Variants in LIN54 observed in about 807,000 individuals in gnomAD.
The protein encoded by LIN54 is protein lin-54 homolog.
In LIN54, 9 loss-of-function variants were observed where a neutral mutation model predicts 78.7. That is an observed-to-expected ratio of 0.11 (90% CI 0.07 to 0.20). The LOEUF (loss-of-function observed/expected upper bound fraction) is 0.20, where lower values mean the gene tolerates loss of function less well. LIN54 is among the 10% of genes least tolerant of loss of function. LIN54 has a pLI of 1.00. For missense variants in LIN54, 573 were observed against 889.9 expected, an observed-to-expected ratio of 0.64 and a Z score of 4.53; for synonymous variants, 269 against 318.4, an observed-to-expected ratio of 0.84 and a Z score of 1.65.
chr4:82,986,939 T>C (rs1320525071), intron 1 of LIN54, among the ~76,000 whole-genome samples: 2 of 152,092 alleles, frequency 1.3e-5, no homozygotes, highest in African/African-American at 4.8e-5. Context: ...TTGCCTAAGG[T>C]CACATAGCTA....
At chr4:82,936,613 A>G (rs1722410317) in intron 9 of LIN54, among the ~76,000 whole-genome samples, 1 of 152,202 alleles carries the variant, frequency 6.6e-6, no homozygotes, top group Admixed American at 6.5e-5. Flanking sequence ...ACTTAGTCCA[A>G]CCAATAACAG....
chr4:82,952,219 C>T (rs747192184), intron 4 of LIN54, among the ~76,000 whole-genome samples: 4 of 152,070 alleles, frequency 2.6e-5, no homozygotes, highest in Non-Finnish European at 5.9e-5. Flanking sequence ...ATTAGCAAAT[C>T]GTATATTGAT....
At chr4:82,928,866 G>A (rs548271015) in intron 12 of LIN54, among the ~76,000 whole-genome samples, 64 of 152,260 alleles carry the variant, frequency 4.2e-4, no homozygotes, top group African/African-American at 1.5e-3. Context: ...ACAAAATGGC[G>A]AAACCAAATG....
At chr4:82,951,181 T>C (rs982456911) in intron 4 of LIN54, among the ~76,000 whole-genome samples, 3 of 152,100 alleles carry the variant, frequency 2.0e-5, no homozygotes, top group Non-Finnish European at 2.9e-5. Flanking sequence ...AGACAAATGA[T>C]AAAGTAAGAA....
In LIN54 at chr4:82,925,014, A is replaced by T. The variant is rs933146930; in HGVS notation, c.*3088T>A. 6.6e-6 allele frequency: 1 copy of T among 152,646 alleles called. No individual in the cohort carries two copies. The allele number at this position is 152,646 out of a possible 1,614,324, so 9.5% of individuals were successfully genotyped here. A position where few individuals can be genotyped will look rare whatever the true frequency, so the allele number is the denominator to read the frequency against. ...TCACATTTTACATAAGATTGAAAAA[A>T]TGTCAGTTGTTCACTACCAGAAAAT... On this transcript the variant is annotated 3_prime_UTR_variant, in exon 13 of 13. Coordinates refer to ENST00000340417, the MANE Select transcript of LIN54 (RefSeq NM_194282.4).
At chr4:83,005,190 C>T (rs1729240875) in intron 1 of LIN54, among the ~76,000 whole-genome samples, 1 of 152,184 alleles carries the variant, frequency 6.6e-6, no homozygotes. Context: ...GCCACCGCAC[C>T]TGGCCTATAA....
intron 1 of LIN54, among the ~76,000 whole-genome samples, chr4:82,998,542 A>AAAAG (rs3081912): frequency 0.78 from 116,586 of 148,738 alleles, 45,895 homozygotes; most frequent in Admixed American, 0.82. Context: ...TCAGAGAAAG[A>AAAAG]AAAGAAAGAA....
At chr4:82,938,534 A>T (rs752179578) in intron 7 of LIN54, 30 bp from the exon 8 acceptor site, 1 of 1,298,224 alleles carries the variant, frequency 7.7e-7, no homozygotes, top group African/African-American at 1.5e-5. Flanking sequence ...ATTTTAGATC[A>T]TATTTCCAAA....
intron 1 of LIN54, among the ~76,000 whole-genome samples, chr4:83,008,332 A>G (rs189491865): frequency 6.6e-6 from 1 of 152,268 alleles, no homozygotes; most frequent in African/African-American, 2.4e-5. Context: ...CACCTAATAG[A>G]CACCCAATAA....
chr4:82,979,720 T>C (rs929919900), intron 2 of LIN54, among the ~76,000 whole-genome samples: 3 of 151,834 alleles, frequency 2.0e-5, no homozygotes, highest in African/African-American at 7.3e-5. Flanking sequence ...AGGCAGACAC[T>C]TGAGGTCAGG....
At chr4:82,943,917 G>A (rs966550890) in intron 5 of LIN54, among the ~76,000 whole-genome samples, 2 of 145,938 alleles carry the variant, frequency 1.4e-5, no homozygotes, top group Non-Finnish European at 3.0e-5. Flanking sequence ...TGCCCAGGCT[G>A]GAGTGCAGTG....
In LIN54 at chr4:82,935,954, T is replaced by C. The variant is rs1340124356; in HGVS notation, c.1845+27A>G. 8 of 1,609,426 alleles carry C rather than the reference T, an allele frequency of 5.0e-6. No individual in the cohort carries two copies. In the African/African-American group the frequency reaches 1.1e-4, roughly 22 times the overall value. On this transcript the variant is annotated intron_variant, in intron 11 of 12. Transcript: ENST00000340417. Reference sequence around the variant, plus strand: ...CCTTTCTAAAACTGTTTTTAAAAGATATTATTTTCCGCACCCAGCATCTCA... The same window carrying C: ...CCTTTCTAAAACTGTTTTTAAAAGACATTATTTTCCGCACCCAGCATCTCA...
intron 11 of LIN54, among the ~76,000 whole-genome samples, chr4:82,931,702 TTTTC>T (rs1721968554): frequency 6.6e-6 from 1 of 152,186 alleles, no homozygotes; most frequent in Non-Finnish European, 1.5e-5. Flanking sequence ...TAAATATATA[TTTTC>T]ATGTAAAAAT....
chr4:82,947,339 C>T (rs1369315136), intron 4 of LIN54, among the ~76,000 whole-genome samples: 1 of 147,478 alleles, frequency 6.8e-6, no homozygotes, highest in Non-Finnish European at 1.5e-5. Flanking sequence ...CTCAAGCCAT[C>T]CTCCTGCCTC....
chr4:83,002,824 G>A (rs999197426), intron 1 of LIN54, among the ~76,000 whole-genome samples: 1 of 152,052 alleles, frequency 6.6e-6, no homozygotes, highest in African/African-American at 2.4e-5. Flanking sequence ...TATGTTATCC[G>A]TAAGGCTTCT....
chr4:82,970,885 GA>G (rs1725584789), intron 3 of LIN54, among the ~76,000 whole-genome samples: 1 of 152,106 alleles, frequency 6.6e-6, no homozygotes, highest in Non-Finnish European at 1.5e-5. Context: ...AGGTACAATT[GA>G]AATCCACACT....
chr4:82,937,663 T>C (rs1388740796), intron 8 of LIN54, among the ~76,000 whole-genome samples: 1 of 152,202 alleles, frequency 6.6e-6, no homozygotes, highest in East Asian at 1.9e-4. Flanking sequence ...TCAAAACTCT[T>C]GGGATTCAAT....
rs77882550 is a variant in LIN54, at chr4:82,986,947, C to G, written c.-32-2071G>C. Among the ~76,000 whole-genome samples the G allele has an allele frequency of 6.7e-3, 1,019 of 152,218 alleles. 12 individuals carry two copies. Among genetic ancestry groups the G allele is most frequent in the African/African-American group, 0.023 (966 of 41,522 alleles). Reference sequence around the variant, plus strand: ...GGTTAATTTGCCTAAGGTCACATAGCTAGTAAATGGTAGAGCCAGGACTCC... The same window carrying G: ...GGTTAATTTGCCTAAGGTCACATAGGTAGTAAATGGTAGAGCCAGGACTCC... On this transcript the variant is annotated intron_variant, in intron 1 of 12. Coordinates refer to ENST00000340417, the MANE Select transcript of LIN54 (RefSeq NM_194282.4).
Position 82,984,320 on chromosome 4 carries a change from A to C in LIN54, c.525T>G (p.Asp175Glu), listed in dbSNP as rs780596152. The stretch of plus-strand genomic sequence containing the variant: ...TAATTTGCTGCGGTGGTAACTTAGC[A>C]TCTCCTGACTGGGCCTGAGTTGTAA... Reference protein sequence around the residue: ...QKVTTQAQSGDAKLPPQQIKV... With the variant: ...QKVTTQAQSGEAKLPPQQIKV... Residue 175 changes from aspartate (D) to glutamate (E), a missense_variant, in exon 2 of 13, where the codon GAT becomes GAG. Physicochemically the swap from Asp to Glu is conservative, Grantham distance 45. Transcript: ENST00000340417. 1 of 1,613,992 alleles carries C rather than the reference A, an allele frequency of 6.2e-7. No individual in the cohort carries two copies. The highest frequency in any genetic ancestry group is 8.5e-7 in the Non-Finnish European group (1 of 1,180,036).
Sources: allele counts gnomAD v4.1 joint callset (sites outside exome capture counted in the v4.1 genomes callset), GRCh38; gene constraint gnomAD v4.1.1; transcripts MANE v1.5; gene names NCBI Gene and HGNC (gene_info 2026-07-23, HGNC 2026-07-21).